Variants in SPOCK1 observed in about 807,000 individuals in gnomAD.
SPOCK1 encodes testican-1.
In SPOCK1, 23 loss-of-function variants were observed where a neutral mutation model predicts 55.3. The ratio of observed to expected loss-of-function variants is 0.42; its 90% CI spans 0.30 to 0.59. The LOEUF is 0.59. SPOCK1 is among the 20% of genes least tolerant of loss of function. The pLI is 0.22. For missense variants in SPOCK1, 499 were observed against 552.5 expected (o/e 0.90, Z 0.97); for synonymous variants, 226 against 221.0 (o/e 1.02, Z -0.20).
intron 3 of SPOCK1, among the ~76,000 whole-genome samples, chr5:137,173,669 T>C (rs1292954475): frequency 1.3e-5 from 2 of 152,194 alleles, no homozygotes; most frequent in Non-Finnish European, 2.9e-5. Flanking sequence ...TTCAGTATTG[T>C]TTTTAGTTTG....
intron 3 of SPOCK1, among the ~76,000 whole-genome samples, chr5:137,226,328 A>C (rs1755946606): frequency 6.6e-6 from 1 of 152,220 alleles, no homozygotes; most frequent in South Asian, 2.1e-4. Flanking sequence ...CCAGAATTAA[A>C]CTATTGACCA....
chr5:137,169,583 G>C (rs1420910469), intron 3 of SPOCK1, among the ~76,000 whole-genome samples: 2 of 152,080 alleles, frequency 1.3e-5, no homozygotes, highest in African/African-American at 4.8e-5. Context: ...GAGCAACATA[G>C]GAGTTAAGAC....
At chr5:137,132,169 T>A (rs1442503666) in intron 4 of SPOCK1, among the ~76,000 whole-genome samples, 1 of 96,768 alleles carries the variant, frequency 1.0e-5, no homozygotes. Flanking sequence ...AACAAGACTC[T>A]GTCTCAAAAA....
At chr5:137,466,595 A>T (rs924977751) in intron 2 of SPOCK1, among the ~76,000 whole-genome samples, 4 of 152,220 alleles carry the variant, frequency 2.6e-5, no homozygotes, top group African/African-American at 7.2e-5. Context: ...TAGACAAGTT[A>T]TTCAATCTCT....
chr5:137,179,060 G>A (rs1009270476), intron 3 of SPOCK1, among the ~76,000 whole-genome samples: 2 of 152,138 alleles, frequency 1.3e-5, no homozygotes, highest in African/African-American at 4.8e-5. Context: ...GTATTTCTAA[G>A]GCCATTCAGC....
chr5:137,252,951 C>A (rs575340940), intron 3 of SPOCK1, among the ~76,000 whole-genome samples: 24 of 152,258 alleles, frequency 1.6e-4, no homozygotes, highest in Admixed American at 5.2e-4. Context: ...CCCTCCAGGT[C>A]CTCGGTGGTT....
intron 3 of SPOCK1, among the ~76,000 whole-genome samples, chr5:137,256,758 C>T (rs1756642611): frequency 6.6e-6 from 1 of 152,140 alleles, no homozygotes; most frequent in African/African-American, 2.4e-5. Flanking sequence ...TGCCTCCACC[C>T]CAAGGGCTAC....
intron 6 of SPOCK1, among the ~76,000 whole-genome samples, chr5:137,019,351 A>T (rs2126979155): frequency 6.6e-6 from 1 of 152,252 alleles, no homozygotes. Context: ...CAAGGTGTTT[A>T]TGGGTATGTG....
intron 3 of SPOCK1, among the ~76,000 whole-genome samples, chr5:137,179,836 AG>A (rs1410366187): frequency 6.6e-6 from 1 of 152,126 alleles, no homozygotes; most frequent in Non-Finnish European, 1.5e-5. Flanking sequence ...GGCTTTTCTG[AG>A]GATTAAATGT....
At position 137,009,582 on chromosome 5, in the gene SPOCK1, G is replaced by A. The variant is rs554435239; in HGVS notation, c.590-16982C>T. 2.0e-5 allele frequency among the ~76,000 whole-genome samples: 3 copies of A among 152,330 alleles called. No individual in the cohort carries two copies. The South Asian group carries it at 6.2e-4, about 32-fold the overall frequency. On this transcript the variant is annotated intron_variant, in intron 6 of 10. Coordinates refer to ENST00000394945, the MANE Select transcript of SPOCK1 (RefSeq NM_004598.4). ...AAAGGCAGTGCAGGGTAGTAGCCCT[G>A]AGGTGGGAGAAAGCTTGAGTGATAT... is the stretch of plus-strand genomic sequence containing the variant.
intron 5 of SPOCK1, among the ~76,000 whole-genome samples, chr5:137,082,594 C>T (rs565948099): frequency 6.6e-6 from 1 of 152,240 alleles, no homozygotes; most frequent in South Asian, 2.1e-4. Context: ...AACAAGCATC[C>T]AGGTTTTTAG....
chr5:137,418,675 G>C (rs1401576847), intron 2 of SPOCK1, among the ~76,000 whole-genome samples: 1 of 151,944 alleles, frequency 6.6e-6, no homozygotes, highest in African/African-American at 2.4e-5. Context: ...AAATTTGTTT[G>C]AGTTCTTTGT....
rs190577148 is a variant in SPOCK1, at chr5:137,177,660, G to A, written c.233-36966C>T. ...GTTTAAAACTCCCTTTAACATTAAC[G>A]CACATTAAAAAAAGTATTCCTCCGC... On this transcript the variant is annotated intron_variant, in intron 3 of 10. Coordinates refer to ENST00000394945, the MANE Select transcript of SPOCK1 (RefSeq NM_004598.4). 1.2e-4 allele frequency among the ~76,000 whole-genome samples: 18 copies of A among 152,080 alleles called. No homozygotes were observed. In the East Asian group the frequency reaches 2.3e-3, roughly 20 times the overall value.
At chr5:137,474,123 C>G (rs1410662241) in intron 2 of SPOCK1, among the ~76,000 whole-genome samples, 1 of 152,036 alleles carries the variant, frequency 6.6e-6, no homozygotes, top group African/African-American at 2.4e-5. Flanking sequence ...GGATAAAAGA[C>G]TATGTATACG....
At chr5:137,098,209 A>G (rs1316866508) in intron 5 of SPOCK1, among the ~76,000 whole-genome samples, 1 of 151,968 alleles carries the variant, frequency 6.6e-6, no homozygotes, top group East Asian at 1.9e-4. Context: ...TGGAGAGCAT[A>G]GGAAGATTAG....
chr5:137,241,801 T>C (rs1756288334), intron 3 of SPOCK1, among the ~76,000 whole-genome samples: 1 of 152,146 alleles, frequency 6.6e-6, no homozygotes, highest in South Asian at 2.1e-4. Context: ...TCTGTTGTAT[T>C]CTGTTATAAT....
chr5:137,119,692 C>T lies in SPOCK1; in HGVS notation c.348-7131G>A, dbSNP rs1309441107. Among the ~76,000 whole-genome samples, 13 of 152,306 alleles carry T rather than the reference C, an allele frequency of 8.5e-5. No individual in the cohort carries two copies. The South Asian group carries it at 2.5e-3, about 29-fold the overall frequency. On this transcript the variant is annotated intron_variant, in intron 4 of 10. Coordinates refer to ENST00000394945, the MANE Select transcript of SPOCK1 (RefSeq NM_004598.4). ...TGAGGGTGTCCCAAGCACTACTGGG[C>T]ACGCAATGGTGCAAAAGACTTGCTG...
intron 2 of SPOCK1, among the ~76,000 whole-genome samples, chr5:137,280,194 T>G (rs1246993900): frequency 6.6e-6 from 1 of 151,906 alleles, no homozygotes; most frequent in African/African-American, 2.4e-5. Context: ...CAGGGTAAAA[T>G]TATCAGGTAA....
At chr5:137,205,333 G>C (rs942259224) in intron 3 of SPOCK1, among the ~76,000 whole-genome samples, 26 of 152,370 alleles carry the variant, frequency 1.7e-4, no homozygotes, top group Admixed American at 1.6e-3. Flanking sequence ...GTCAGTGAAA[G>C]GAAGCTGTCG....
Sources: allele counts gnomAD v4.1 joint callset (sites outside exome capture counted in the v4.1 genomes callset), GRCh38; gene constraint gnomAD v4.1.1; transcripts MANE v1.5; gene names NCBI Gene and HGNC (gene_info 2026-07-23, HGNC 2026-07-21).